APBA1: variants seen among roughly 807,000 people sequenced by gnomAD.
APBA1 encodes amyloid beta precursor protein binding family A member 1.
APBA1 carries 55 observed loss-of-function variants against 86.6 expected under a neutral mutation model. That is an observed-to-expected ratio of 0.64 (90% CI 0.51 to 0.80). APBA1 has a LOEUF of 0.80. APBA1 is among the 30% of genes least tolerant of loss of function. The pLI is 0.00. For missense variants in APBA1, 1,090 were observed against 1,183.0 expected, an observed-to-expected ratio of 0.92 and a Z score of 1.15; for synonymous variants, 511 against 493.9, an observed-to-expected ratio of 1.03 and a Z score of -0.46.
At position 69,516,797 on chromosome 9, in the gene APBA1, G is replaced by A. The variant is rs377472381; in HGVS notation, c.414C>T (p.Ala138=). The change falls in exon 2 of 13, where the codon GCC becomes GCT. Residue 138 remains alanine (A), a synonymous_variant. Coordinates refer to ENST00000265381, the MANE Select transcript of APBA1 (RefSeq NM_001163.4). The surrounding 1 kb of genome is among the most constrained non-coding windows in gnomAD (Gnocchi z 7.3). ...GCAGCGCGCGGCGGTGCGTGGCCTC[G>A]GCGTGCTCGGCCTCTGCCTGCTCCG... The part of the protein sequence containing the change: ...EYTEQAEAEH[A]EATHRRALPN... The A allele has an allele frequency of 6.2e-7, 1 of 1,609,400 alleles. No homozygotes were observed. Among genetic ancestry groups the A allele is most frequent in the Non-Finnish European group, 8.5e-7 (1 of 1,179,426 alleles).
At chr9:69,649,562 AGTGCCTGTCTCCT>A (rs959468294) in intron 1 of APBA1, among the ~76,000 whole-genome samples, 2 of 152,254 alleles carry the variant, frequency 1.3e-5, no homozygotes. Context: ...GTTTTGTGCA[AGTGCCTGTCTCCT>A]GTGCTTAACT....
chr9:69,496,495 T>G (rs991577977), intron 2 of APBA1, among the ~76,000 whole-genome samples: 1 of 152,034 alleles, frequency 6.6e-6, no homozygotes, highest in African/African-American at 2.4e-5. Flanking sequence ...CAGGCCAAAG[T>G]GGGAAACGGG....
intron 1 of APBA1, among the ~76,000 whole-genome samples, chr9:69,638,830 T>C (rs1000476440): frequency 1.3e-5 from 2 of 152,210 alleles, no homozygotes; most frequent in African/African-American, 2.4e-5. Flanking sequence ...ATGAGGTGTA[T>C]GTTTTTGAAA....
intron 1 of APBA1, among the ~76,000 whole-genome samples, chr9:69,547,466 A>T (rs190360882): frequency 2.0e-5 from 3 of 152,284 alleles, no homozygotes; most frequent in East Asian, 1.9e-4. Context: ...CCTCAACCAG[A>T]AATGTGTCAC....
At position 69,457,128 on chromosome 9, in the gene APBA1, G is replaced by A. The variant is rs751419556; in HGVS notation, c.1527C>T (p.Gly509=). Residue 509 remains glycine, a synonymous_variant, in exon 7 of 13, where the codon GGC becomes GGT. Coordinates refer to ENST00000265381, the MANE Select transcript of APBA1 (RefSeq NM_001163.4). ...LAKSRKKAPE[G]ESQPMTEVDL... is the part of the protein sequence containing the mutation. ...CCACTTCAGTCATTGGCTGAGATTC[G>A]CCTTCAGGAGCCTGAGAAGAAAAAA... is the stretch of plus-strand genomic sequence containing the variant. 6.8e-5 allele frequency: 110 copies of A among 1,613,852 alleles called. 1 individual carries two copies. Among genetic ancestry groups the A allele is most frequent in the South Asian group, 6.3e-4 (57 of 91,072 alleles).
intron 1 of APBA1, among the ~76,000 whole-genome samples, chr9:69,606,740 C>G (rs1822483601): frequency 1.3e-5 from 2 of 151,996 alleles, no homozygotes; most frequent in South Asian, 4.2e-4. Flanking sequence ...GATGCGCACG[C>G]CTCGGCCTCC....
At chr9:69,458,774 T>A (rs961651316) in intron 5 of APBA1, among the ~76,000 whole-genome samples, 1 of 152,040 alleles carries the variant, frequency 6.6e-6, no homozygotes, top group African/African-American at 2.4e-5. Flanking sequence ...TTAATTTTGA[T>A]ACATTTGGGG....
At chr9:69,499,231 C>G (rs962617258) in intron 2 of APBA1, among the ~76,000 whole-genome samples, 1 of 152,068 alleles carries the variant, frequency 6.6e-6, no homozygotes, top group Admixed American at 6.5e-5. Context: ...CTTAACAGCA[C>G]AAATGGAGAC....
rs1834540917 is a variant in APBA1, at chr9:69,429,040, C to T, written c.*2287G>A. 1 of 152,208 alleles carries T rather than the reference C, an allele frequency of 6.6e-6. No homozygotes were observed. Among genetic ancestry groups the T allele is most frequent in the Non-Finnish European group, 1.5e-5 (1 of 68,036 alleles). The allele number at this position is 152,208 out of a possible 1,614,324, so 9.4% of individuals were successfully genotyped here. A position where few individuals can be genotyped will look rare whatever the true frequency, so the allele number is the denominator to read the frequency against. On this transcript the variant is annotated 3_prime_UTR_variant, in exon 13 of 13. Coordinates refer to ENST00000265381, the MANE Select transcript of APBA1 (RefSeq NM_001163.4). ...CTCTCCTTTAGGTGAACATACATAA[C>T]CGTTATGTGCAGGTTGTACAGGGAT...
chr9:69,494,033 A>G (rs1288757697), intron 2 of APBA1, among the ~76,000 whole-genome samples: 1 of 152,084 alleles, frequency 6.6e-6, no homozygotes, highest in Non-Finnish European at 1.5e-5. Flanking sequence ...GAAACTGGTT[A>G]AGAAATCCAT....
At chr9:69,503,191 C>A (rs189504795) in intron 2 of APBA1, among the ~76,000 whole-genome samples, 1 of 152,170 alleles carries the variant, frequency 6.6e-6, no homozygotes, top group East Asian at 1.9e-4. Context: ...TGAGATGGTT[C>A]CTTTGGTCAG....
intron 1 of APBA1, among the ~76,000 whole-genome samples, chr9:69,546,188 C>G (rs1836694863): frequency 6.6e-6 from 1 of 152,178 alleles, no homozygotes; most frequent in Admixed American, 6.5e-5. Context: ...ATTTCATCAG[C>G]ATAAAAATCA....
chr9:69,633,917 G>T (rs989302038), intron 1 of APBA1, among the ~76,000 whole-genome samples: 1 of 152,174 alleles, frequency 6.6e-6, no homozygotes, highest in African/African-American at 2.4e-5. Flanking sequence ...ATCATTAATT[G>T]CATCTTTAGG....
At chr9:69,481,369 A>C (rs1302577231) in intron 2 of APBA1, among the ~76,000 whole-genome samples, 1 of 152,096 alleles carries the variant, frequency 6.6e-6, no homozygotes, top group Non-Finnish European at 1.5e-5. Context: ...TCCCATTCAC[A>C]ATTGCTTCAA....
At chr9:69,445,675 C>T (rs1834895231) in intron 10 of APBA1, among the ~76,000 whole-genome samples, 1 of 152,148 alleles carries the variant, frequency 6.6e-6, no homozygotes, top group South Asian at 2.1e-4. Context: ...ATGTTCCACC[C>T]ACCAATAATT....
chr9:69,468,109 T>C, intron 4 of APBA1, 141 bp from the exon 5 acceptor site: 2 of 944,838 alleles, frequency 2.1e-6, no homozygotes, highest in Non-Finnish European at 3.2e-6. Context: ...GGCATCTCTC[T>C]GTGTCTATCT....
At chr9:69,436,763 T>A (rs1239860645) in intron 11 of APBA1, among the ~76,000 whole-genome samples, 3 of 152,142 alleles carry the variant, frequency 2.0e-5, no homozygotes, top group Non-Finnish European at 2.9e-5. Flanking sequence ...TGAATGCCCT[T>A]TATTTCCTTC....
At chr9:69,493,764 A>G (rs1199581355) in intron 2 of APBA1, among the ~76,000 whole-genome samples, 1 of 152,062 alleles carries the variant, frequency 6.6e-6, no homozygotes, top group East Asian at 1.9e-4. Flanking sequence ...AGGAAGCAAA[A>G]AATAGGTTTA....
rs1836159902 is a variant in APBA1, at chr9:69,516,676, C to T, written c.535G>A (p.Glu179Lys). The T allele has an allele frequency of 3.7e-6, 6 of 1,609,942 alleles. No homozygotes were observed. The highest frequency in any genetic ancestry group is 1.3e-5 in the African/African-American group (1 of 74,898). Residue 179 changes from glutamate (E) to lysine (K), a missense_variant, in exon 2 of 13, where the codon GAG (glutamate) becomes AAG (lysine). Around this residue, in one of 6 missense-constraint regions of APBA1, gnomAD observed 678 missense variants for 647.1 expected, o/e 1.05. Coordinates refer to ENST00000265381, the MANE Select transcript of APBA1 (RefSeq NM_001163.4). This position sits in a 1 kb window ranked among gnomAD's most constrained non-coding sequence, Gnocchi z 7.3. ...VYTHRLFHRG[E>K]DEPYSEPYAD... is the part of the protein sequence containing the mutation. ...TAGGGCTCGGAGTAGGGCTCGTCCTCACCGCGGTGGAAGAGCCGGTGCGTG... is the reference window on the plus strand; with the variant it reads ...TAGGGCTCGGAGTAGGGCTCGTCCTTACCGCGGTGGAAGAGCCGGTGCGTG...
Sources: gnomAD v4.1 joint callset for allele counts (sites outside exome capture counted in the v4.1 genomes callset) on GRCh38, gnomAD v4.1.1 for gene constraint, gnomAD v4.1.1 regional missense constraint, Gnocchi (gnomAD v3.1) non-coding constraint, MANE v1.5 for transcripts, NCBI Gene and HGNC (gene_info 2026-07-23, HGNC 2026-07-21) for gene names.